Variants in PUM1 observed in about 807,000 individuals in gnomAD.
PUM1 encodes the protein pumilio RNA binding family member 1, also known as pumilio homolog 1.
In PUM1, 13 loss-of-function variants were observed where a neutral mutation model predicts 131.8. The observed-to-expected ratio is 0.10, with a 90% CI of 0.06 to 0.16. PUM1 has a LOEUF of 0.16. Ranked by LOEUF, PUM1 falls within the 10% of genes least tolerant of loss-of-function variation. The probability of loss-of-function intolerance (pLI) is 1.00; values close to 1 mark genes in which losing one functional copy is unlikely to be tolerated. For missense variants in PUM1, 961 were observed against 1,512.4 expected, an observed-to-expected ratio of 0.64 and a Z score of 6.05; for synonymous variants, 509 against 556.5, an observed-to-expected ratio of 0.91 and a Z score of 1.20.
At chr1:31,061,620 T>C (rs1644369791) in intron 1 of PUM1, 1 of 150,692 alleles carries the variant, frequency 6.6e-6, no homozygotes, top group African/African-American at 2.4e-5. Flanking sequence ...ATAAATAAAA[T>C]AATTTTTTTA....
In PUM1 at chr1:30,953,644, C is replaced by G. The variant is rs370903393; in HGVS notation, c.2591+70G>C. The G allele has an allele frequency of 6.2e-5, 95 of 1,527,680 alleles. No individual in the cohort carries two copies. The African/African-American group carries it at 1.0e-3, about 16-fold the overall frequency. 94.6% of individuals were successfully genotyped at this position (1,527,680 alleles called of 1,614,324 possible). On this transcript the variant is annotated intron_variant, in intron 15 of 21. Transcript: ENST00000426105. ...ATATGGCAATTTATTTAAGTAGATACCCATCTGAGCCAAGACAGTTAAGGC... is the reference window on the plus strand; with the variant it reads ...ATATGGCAATTTATTTAAGTAGATAGCCATCTGAGCCAAGACAGTTAAGGC...
chr1:31,037,397 C>A (rs1029613054), intron 2 of PUM1, among the ~76,000 whole-genome samples: 51 of 152,280 alleles, frequency 3.3e-4, no homozygotes, highest in African/African-American at 1.1e-3. Context: ...GTCTGGGTAT[C>A]TACCTCCCCA....
At chr1:30,933,443 C>CACAT (rs1553142824) in intron 21 of PUM1, 101 bp from the exon 22 acceptor site, 3 of 319,084 alleles carry the variant, frequency 9.4e-6, no homozygotes, top group Non-Finnish European at 1.7e-5. Flanking sequence ...CACACATACA[C>CACAT]ACACACACAC....
intron 5 of PUM1, among the ~76,000 whole-genome samples, chr1:30,997,905 G>A (rs1642042177): frequency 6.7e-6 from 1 of 149,626 alleles, no homozygotes; most frequent in Non-Finnish European, 1.5e-5. Flanking sequence ...TACACTTTCA[G>A]CCACTAATTT....
chr1:30,953,175 G>C (rs935667310), intron 15 of PUM1, among the ~76,000 whole-genome samples: 1 of 152,128 alleles, frequency 6.6e-6, no homozygotes, highest in Non-Finnish European at 1.5e-5. Flanking sequence ...TTAAGGAGGA[G>C]GTAGCTTCTG....
Position 30,953,993 on chromosome 1 carries a change from A to G in PUM1, c.2324-12T>C. 1 of 1,611,140 alleles carries G rather than the reference A, an allele frequency of 6.2e-7. No homozygotes were observed. The highest frequency in any genetic ancestry group is 8.5e-7 in the Non-Finnish European group (1 of 1,177,776). On this transcript the variant is annotated splice_polypyrimidine_tract_variant and intron_variant, in intron 14 of 21. Coordinates refer to ENST00000426105, the MANE Select transcript of PUM1 (RefSeq NM_001020658.2). ...ATTCGTGAGTCCTCCTGTTGGTTACAGAACAGGATAACTTAAGACCACTCT... is the reference window on the plus strand; with the variant it reads ...ATTCGTGAGTCCTCCTGTTGGTTACGGAACAGGATAACTTAAGACCACTCT...
intron 2 of PUM1, among the ~76,000 whole-genome samples, chr1:31,043,039 A>C (rs1425513640): frequency 6.6e-6 from 1 of 152,018 alleles, no homozygotes; most frequent in Non-Finnish European, 1.5e-5. Flanking sequence ...TATCTTTATA[A>C]TTCCCTCCTC....
chr1:31,059,699 C>G (rs1644325378), intron 1 of PUM1, 122 bp from the exon 2 acceptor site: 1 of 1,175,406 alleles, frequency 8.5e-7, no homozygotes, highest in Non-Finnish European at 1.2e-6. Context: ...GGCATGCACT[C>G]TGGCAAGGTA....
chr1:31,038,984 A>ATTTTTTTTTTTTTTTTTTTTTT, intron 2 of PUM1, among the ~76,000 whole-genome samples: 1 of 49,418 alleles, frequency 2.0e-5, no homozygotes, highest in South Asian at 8.2e-4. Context: ...ATATATATAT[A>ATTTTTTTTTTTTTTTTTTTTTT]TTTTTTTTTT....
intron 5 of PUM1, 26 bp downstream of exon 5, chr1:31,005,827 G>GAGA (rs766405035): frequency 7.2e-6 from 11 of 1,527,146 alleles, no homozygotes; most frequent in Middle Eastern, 1.8e-4. Flanking sequence ...GAGAGAGATA[G>GAGA]GAACAAGTTC....
intron 1 of PUM1, among the ~76,000 whole-genome samples, chr1:31,065,207 C>A (rs575851811): frequency 6.6e-6 from 1 of 152,216 alleles, no homozygotes; most frequent in South Asian, 2.1e-4. Flanking sequence ...TCGAAGAAAT[C>A]GGGGTGGCAC....
chr1:30,960,430 A>G (rs761915616), intron 14 of PUM1, among the ~76,000 whole-genome samples: 5 of 152,228 alleles, frequency 3.3e-5, no homozygotes, highest in Non-Finnish European at 5.9e-5. Flanking sequence ...AAGAAAAAGA[A>G]AAGTCATCCA....
At chr1:31,000,357 A>G (rs2124499775) in intron 5 of PUM1, among the ~76,000 whole-genome samples, 1 of 152,364 alleles carries the variant, frequency 6.6e-6, no homozygotes, top group South Asian at 2.1e-4. Context: ...TAAAATGCTC[A>G]AATTGCAAGT....
intron 18 of PUM1, among the ~76,000 whole-genome samples, chr1:30,943,375 G>A (rs1639540392): frequency 6.6e-6 from 1 of 151,946 alleles, no homozygotes; most frequent in Non-Finnish European, 1.5e-5. Flanking sequence ...CAATTCTCCT[G>A]CTTCAGCCTC....
intron 10 of PUM1, among the ~76,000 whole-genome samples, chr1:30,971,762 A>C (rs1198676941): frequency 6.6e-6 from 1 of 152,234 alleles, no homozygotes; most frequent in Non-Finnish European, 1.5e-5. Flanking sequence ...GAGAAATAGA[A>C]ATTACATGTA....
At chr1:30,978,260 AAAC>A (rs761086200) in intron 9 of PUM1, among the ~76,000 whole-genome samples, 1 of 152,202 alleles carries the variant, frequency 6.6e-6, no homozygotes, top group Non-Finnish European at 1.5e-5. Context: ...AAAAAACAAA[AAAC>A]AACAAATAAG....
At chr1:30,977,557 T>C (rs1391844440) in intron 9 of PUM1, among the ~76,000 whole-genome samples, 1 of 152,222 alleles carries the variant, frequency 6.6e-6, no homozygotes, top group African/African-American at 2.4e-5. Context: ...GCAAATCAAC[T>C]GAGCTTGGCA....
In PUM1 at chr1:30,932,439, T is replaced by C. The variant is rs1638998953; in HGVS notation, c.*772A>G. 6.6e-6 allele frequency: 1 copy of C among 151,908 alleles called. No homozygotes were observed. The highest frequency in any genetic ancestry group is 1.9e-4 in the East Asian group (1 of 5,190). The allele number at this position is 151,908 out of a possible 1,614,324, so 9.4% of individuals were successfully genotyped here. On this transcript the variant is annotated 3_prime_UTR_variant, in exon 22 of 22. Coordinates refer to ENST00000426105, the MANE Select transcript of PUM1 (RefSeq NM_001020658.2). ...TCATGCTAAATAATCAGATTTTACC[T>C]TTCAATGTTAATAGAAAAAAATCCA...
chr1:30,967,859 A>G (rs1640687315), intron 11 of PUM1, among the ~76,000 whole-genome samples: 1 of 152,230 alleles, frequency 6.6e-6, no homozygotes, highest in African/African-American at 2.4e-5. Context: ...ACAGTGAACC[A>G]AAAACAACAT....
Sources: gnomAD v4.1 joint callset for allele counts (sites outside exome capture counted in the v4.1 genomes callset) on GRCh38, gnomAD v4.1.1 for gene constraint, MANE v1.5 for transcripts, NCBI Gene and HGNC (gene_info 2026-07-23, HGNC 2026-07-21) for gene names.